Variants in HNRNPLL observed in about 807,000 individuals in gnomAD.
HNRNPLL encodes the protein heterogeneous nuclear ribonucleoprotein L like, also known as heterogeneous nuclear ribonucleoprotein L-like.
Under a neutral mutation model 67.1 loss-of-function variants are expected in HNRNPLL, and 25 were observed. The observed-to-expected ratio is 0.37, with a 90% CI of 0.27 to 0.52. HNRNPLL has a LOEUF of 0.52. HNRNPLL is among the 20% of genes least tolerant of loss of function. HNRNPLL has a pLI of 0.90. For synonymous variants in HNRNPLL, 267 were observed against 241.7 expected (o/e 1.10, Z -0.97); for missense variants, 542 against 673.9 (o/e 0.80, Z 2.17).
At chr2:38,598,883 G>A (rs1667314023) in intron 1 of HNRNPLL, among the ~76,000 whole-genome samples, 2 of 152,202 alleles carry the variant, frequency 1.3e-5, no homozygotes, top group South Asian at 4.1e-4. Context: ...CGCTGGAGGA[G>A]ACACAAGACA....
At chr2:38,584,146 T>C (rs576214762) in intron 3 of HNRNPLL, among the ~76,000 whole-genome samples, 1 of 152,292 alleles carries the variant, frequency 6.6e-6, no homozygotes, top group East Asian at 1.9e-4. Flanking sequence ...CCTACAGCCC[T>C]GACTTCCCAG....
chr2:38,581,648 T>A (rs142323450), intron 6 of HNRNPLL: 3 of 518,844 alleles, frequency 5.8e-6, no homozygotes, highest in Non-Finnish European at 1.0e-5. Context: ...GAGAGCTGCT[T>A]GGAGAAATGC....
chr2:38,572,343 C>CA (rs1666126521), intron 8 of HNRNPLL, among the ~76,000 whole-genome samples: 1 of 152,070 alleles, frequency 6.6e-6, no homozygotes, highest in Non-Finnish European at 1.5e-5. Context: ...CTAAATGTAG[C>CA]AACTTTTCAA....
At chr2:38,579,340 C>T (rs1220124303) in intron 6 of HNRNPLL, among the ~76,000 whole-genome samples, 1 of 151,894 alleles carries the variant, frequency 6.6e-6, no homozygotes, top group Non-Finnish European at 1.5e-5. Flanking sequence ...AGCACACCAG[C>T]ATGGCACATG....
intron 3 of HNRNPLL, 60 bp from the exon 4 acceptor site, chr2:38,583,986 T>C (rs1442700513): frequency 2.9e-6 from 2 of 685,484 alleles, no homozygotes; most frequent in East Asian, 3.0e-5. Flanking sequence ...ATTAAAGCTA[T>C]ACTTCGTTTT....
chr2:38,602,162 C>CCCGCCG (rs1023923732), intron 1 of HNRNPLL: 2 of 471,174 alleles, frequency 4.2e-6, no homozygotes, highest in African/African-American at 2.1e-5. Flanking sequence ...GCGACGCCTC[C>CCCGCCG]CCGCCGCCGC....
intron 4 of HNRNPLL, among the ~76,000 whole-genome samples, chr2:38,582,827 C>T (rs887065780): frequency 4.0e-5 from 6 of 149,942 alleles, no homozygotes; most frequent in Non-Finnish European, 5.9e-5. Context: ...GGCTGAGACA[C>T]GGGAATCACT....
intron 1 of HNRNPLL, among the ~76,000 whole-genome samples, chr2:38,598,594 C>T (rs1161428276): frequency 2.0e-5 from 3 of 152,194 alleles, no homozygotes; most frequent in East Asian, 3.9e-4. Flanking sequence ...AACATTTTTT[C>T]ACTATTATAG....
Position 38,602,897 on chromosome 2 carries a change from C to T in HNRNPLL, c.-271G>A, listed in dbSNP as rs748642253. 4.5e-6 allele frequency: 7 copies of T among 1,544,420 alleles called. No homozygotes were observed. The Admixed American group carries it at 5.9e-5, about 13-fold the overall frequency. On this transcript the variant is annotated 5_prime_UTR_variant, in exon 1 of 13. Coordinates refer to ENST00000449105, the MANE Select transcript of HNRNPLL (RefSeq NM_138394.4). ...CCTCTCCCTCCTCCTCCTCCGTCTCCGCTCCCTGCCCGGAGGAGCGAATCT... is the reference window on the plus strand; with the variant it reads ...CCTCTCCCTCCTCCTCCTCCGTCTCTGCTCCCTGCCCGGAGGAGCGAATCT...
intron 12 of HNRNPLL, among the ~76,000 whole-genome samples, chr2:38,567,750 A>T (rs1357017946): frequency 6.6e-6 from 1 of 152,180 alleles, no homozygotes; most frequent in Non-Finnish European, 1.5e-5. Context: ...AACATTGTTG[A>T]TTTATCTCTT....
At chr2:38,576,795 A>C (rs1666317683) in intron 7 of HNRNPLL, among the ~76,000 whole-genome samples, 2 of 151,884 alleles carry the variant, frequency 1.3e-5, no homozygotes, top group Admixed American at 1.3e-4. Flanking sequence ...AGAGTCAATA[A>C]CTACCACTAA....
At position 38,597,877 on chromosome 2, in the gene HNRNPLL, C is replaced by T. The variant is rs962390743; in HGVS notation, c.189+4561G>A. On this transcript the variant is annotated intron_variant, in intron 1 of 12. Coordinates refer to ENST00000449105, the MANE Select transcript of HNRNPLL (RefSeq NM_138394.4). ...TAATTTTTTGTATTTTTAGTAGAGACGAGGTTTCACCATCTTGGCCAGGCT... is the reference window on the plus strand; with the variant it reads ...TAATTTTTTGTATTTTTAGTAGAGATGAGGTTTCACCATCTTGGCCAGGCT... Among the ~76,000 whole-genome samples the T allele has an allele frequency of 1.7e-4, 26 of 151,964 alleles. No homozygotes were observed. In the South Asian group the frequency reaches 3.5e-3, roughly 21 times the overall value.
intron 1 of HNRNPLL, among the ~76,000 whole-genome samples, chr2:38,593,519 T>G (rs1667049001): frequency 6.6e-6 from 1 of 152,208 alleles, no homozygotes; most frequent in East Asian, 1.9e-4. Context: ...GAAAACTGTA[T>G]TGGCCTGAAC....
At chr2:38,569,965 C>A (rs755698819) in intron 8 of HNRNPLL, 40 bp from the exon 9 acceptor site, 1 of 1,464,634 alleles carries the variant, frequency 6.8e-7, no homozygotes, top group South Asian at 1.3e-5. Context: ...CATTTAATTC[C>A]CTTTTACAGT....
At chr2:38,595,153 G>A (rs1297114253) in intron 1 of HNRNPLL, among the ~76,000 whole-genome samples, 12 of 150,610 alleles carry the variant, frequency 8.0e-5, no homozygotes, top group African/African-American at 2.9e-4. Context: ...GGTGGGGTAC[G>A]CCTGTAGTCC....
intron 1 of HNRNPLL, among the ~76,000 whole-genome samples, chr2:38,593,896 C>T (rs1297355424): frequency 6.7e-6 from 1 of 148,406 alleles, no homozygotes; most frequent in Non-Finnish European, 1.5e-5. Flanking sequence ...AAATGCTGGC[C>T]GGGCACAGTG....
At chr2:38,579,320 T>A (rs1666426227) in intron 6 of HNRNPLL, among the ~76,000 whole-genome samples, 1 of 152,026 alleles carries the variant, frequency 6.6e-6, no homozygotes, top group Admixed American at 6.6e-5. Flanking sequence ...AATGACGAGT[T>A]AATGGGTGCA....
intron 1 of HNRNPLL, among the ~76,000 whole-genome samples, chr2:38,592,116 ATGTT>A (rs1289400035): frequency 2.6e-5 from 4 of 152,234 alleles, no homozygotes; most frequent in Admixed American, 1.3e-4. Context: ...AATAAAATAA[ATGTT>A]TGTTTTAAAA....
chr2:38,593,655 G>A (rs1384914523), intron 1 of HNRNPLL, among the ~76,000 whole-genome samples: 2 of 152,160 alleles, frequency 1.3e-5, no homozygotes, highest in African/African-American at 4.8e-5. Flanking sequence ...TTGGGAGGCT[G>A]AAGCAGGTGG....
Sources: allele counts gnomAD v4.1 joint callset (sites outside exome capture counted in the v4.1 genomes callset), GRCh38; gene constraint gnomAD v4.1.1; transcripts MANE v1.5; gene names NCBI Gene and HGNC (gene_info 2026-07-23, HGNC 2026-07-21).